ADAMTS12: variants seen among roughly 807,000 people sequenced by gnomAD.
ADAMTS12 encodes the protein A disintegrin and metalloproteinase with thrombospondin motifs 12.
A neutral mutation model predicts 167.8 loss-of-function variants in ADAMTS12; 118 were observed. The observed-to-expected ratio is 0.70, with a 90% CI of 0.61 to 0.82. The LOEUF (loss-of-function observed/expected upper bound fraction) is 0.82, where lower values mean the gene tolerates loss of function less well. Among genes scored for constraint, ADAMTS12 ranks in the 40% least tolerant of loss-of-function variants. The pLI is 0.00. For missense variants in ADAMTS12, 1,916 were observed against 1,998.8 expected (o/e 0.96, Z 0.79); for synonymous variants, 704 against 716.9 (o/e 0.98, Z 0.29).
At chr5:33,718,771 T>G (rs1346232582) in intron 3 of ADAMTS12, among the ~76,000 whole-genome samples, 2 of 152,144 alleles carry the variant, frequency 1.3e-5, no homozygotes, top group East Asian at 3.8e-4. Flanking sequence ...TTATGTGTCA[T>G]AAAATGATAA....
rs140997940 is a variant in ADAMTS12 at position 33,579,258 on chromosome 5, T to G, written c.2866-2098A>C. 1.6e-4 allele frequency among the ~76,000 whole-genome samples: 24 copies of G among 152,370 alleles called. No homozygotes were observed. The East Asian group carries it at 4.6e-3, about 29-fold the overall frequency. ...TTTTCAAATCCCCACTTTGTAAAAC[T>G]GATCAGTTTTGTATGTGTGAACACA... On this transcript the variant is annotated intron_variant, in intron 18 of 23. Transcript: ENST00000504830.
intron 2 of ADAMTS12, among the ~76,000 whole-genome samples, chr5:33,764,606 TA>T (rs1307399957): frequency 6.6e-6 from 1 of 152,214 alleles, no homozygotes; most frequent in Non-Finnish European, 1.5e-5. Context: ...TTTTCCTTCA[TA>T]AGAATTAAAT....
chr5:33,549,104 A>T, intron 21 of ADAMTS12, 103 bp downstream of exon 21: 1 of 1,401,864 alleles, frequency 7.1e-7, no homozygotes, highest in Non-Finnish European at 9.7e-7. Flanking sequence ...CATTGGCAGG[A>T]CACAGGTGTG....
At chr5:33,564,371 T>C (rs952588441) in intron 19 of ADAMTS12, among the ~76,000 whole-genome samples, 3 of 152,252 alleles carry the variant, frequency 2.0e-5, no homozygotes, top group Admixed American at 2.0e-4. Flanking sequence ...TGAAGAAAAG[T>C]AGGAGGCAGT....
intron 2 of ADAMTS12, among the ~76,000 whole-genome samples, chr5:33,847,861 A>C (rs1749007478): frequency 6.6e-6 from 1 of 152,142 alleles, no homozygotes; most frequent in Non-Finnish European, 1.5e-5. Context: ...GACTGTATTC[A>C]CCAAAGATCT....
At chr5:33,706,627 T>C (rs964395250) in intron 3 of ADAMTS12, among the ~76,000 whole-genome samples, 1 of 152,202 alleles carries the variant, frequency 6.6e-6, no homozygotes, top group African/African-American at 2.4e-5. Flanking sequence ...CTTTCTCTTT[T>C]AATTGGGGCA....
chr5:33,848,026 C>A (rs141453797), intron 2 of ADAMTS12, among the ~76,000 whole-genome samples: 3,373 of 151,948 alleles, frequency 0.022, 67 homozygotes, highest in Non-Finnish European at 0.03. Flanking sequence ...ACCAGCCTGG[C>A]CCATATGGTG....
intron 1 of ADAMTS12, chr5:33,888,137 A>G (rs1750705083): frequency 6.6e-6 from 1 of 152,212 alleles, no homozygotes. Flanking sequence ...GTCCAATATT[A>G]GTATATGTGC....
intron 3 of ADAMTS12, among the ~76,000 whole-genome samples, chr5:33,698,872 T>A (rs1742882214): frequency 6.6e-6 from 1 of 152,064 alleles, no homozygotes; most frequent in Non-Finnish European, 1.5e-5. Context: ...TTTTAAAGTA[T>A]CTGGCTGGGC....
At chr5:33,714,423 G>A (rs183996299) in intron 3 of ADAMTS12, among the ~76,000 whole-genome samples, 9 of 152,110 alleles carry the variant, frequency 5.9e-5, no homozygotes, top group African/African-American at 1.7e-4. Context: ...TAGAACTACC[G>A]TATGATCCAG....
In ADAMTS12 at chr5:33,615,828, C is replaced by G; in HGVS notation, c.2388G>C (p.Gln796His). Residue 796 changes from glutamine (Q) to histidine (H), a missense_variant and splice_region_variant, in exon 15 of 24, where the codon CAG becomes CAC. Transcript: ENST00000504830. ...GCAGTTTCCCTCCTTTCTGCATTAC[C>G]TGGATCCACACAGACTCATTGGTGG... The part of the protein sequence containing the change: ...TGPTNESVWI[Q>H]LLFQVTNPGI... 3.1e-6 allele frequency: 5 copies of G among 1,614,066 alleles called. No homozygotes were observed. Among genetic ancestry groups the G allele is most frequent in the Non-Finnish European group, 4.2e-6 (5 of 1,179,972 alleles).
intron 2 of ADAMTS12, among the ~76,000 whole-genome samples, chr5:33,854,671 A>T (rs1472307497): frequency 1.3e-5 from 2 of 152,184 alleles, no homozygotes; most frequent in African/African-American, 4.8e-5. Flanking sequence ...TCACAAAATA[A>T]ACCTGATGAA....
chr5:33,538,860 T>C (rs1481258258), intron 22 of ADAMTS12, among the ~76,000 whole-genome samples: 1 of 152,172 alleles, frequency 6.6e-6, no homozygotes, highest in African/African-American at 2.4e-5. Flanking sequence ...AAGTGTTAAA[T>C]TTTTTCTCGA....
chr5:33,757,482 T>A (rs1354399055), intron 2 of ADAMTS12, among the ~76,000 whole-genome samples: 1 of 152,204 alleles, frequency 6.6e-6, no homozygotes, highest in Non-Finnish European at 1.5e-5. Flanking sequence ...GTTCCACTTC[T>A]AGAGGGAGTT....
intron 2 of ADAMTS12, among the ~76,000 whole-genome samples, chr5:33,775,324 A>C (rs1745878665): frequency 6.6e-6 from 1 of 152,184 alleles, no homozygotes; most frequent in South Asian, 2.1e-4. Context: ...AGGATTTCTG[A>C]GGTGGGTAAA....
intron 2 of ADAMTS12, among the ~76,000 whole-genome samples, chr5:33,768,396 T>A (rs1745621820): frequency 6.6e-6 from 1 of 152,186 alleles, no homozygotes; most frequent in Non-Finnish European, 1.5e-5. Flanking sequence ...GGCATAGGGG[T>A]TATCAAAATC....
chr5:33,626,823 ATGG>A (rs148511145), intron 13 of ADAMTS12, among the ~76,000 whole-genome samples: 28 of 136,938 alleles, frequency 2.0e-4, no homozygotes, highest in South Asian at 1.0e-3. Context: ...TGATTTGACG[ATGG>A]TGGTGGTGGT....
At chr5:33,627,767 C>T (rs934850695) in intron 13 of ADAMTS12, among the ~76,000 whole-genome samples, 3 of 152,086 alleles carry the variant, frequency 2.0e-5, no homozygotes, top group African/African-American at 7.2e-5. Context: ...GTAGATCTAG[C>T]TCTGAGCAAT....
chr5:33,672,093 CCA>C (rs141039211), intron 5 of ADAMTS12, among the ~76,000 whole-genome samples: 140,939 of 147,970 alleles, frequency 0.95, 67,452 homozygotes, highest in Non-Finnish European at 1. Flanking sequence ...ACACACACAT[CCA>C]CACTCACATC....
Sources: allele counts gnomAD v4.1 joint callset (sites outside exome capture counted in the v4.1 genomes callset), GRCh38; gene constraint gnomAD v4.1.1; transcripts MANE v1.5; gene names NCBI Gene and HGNC (gene_info 2026-07-23, HGNC 2026-07-21).